The following ARMCX4 variants were observed in gnomAD, a reference collection of about 807,000 sequenced individuals.
ARMCX4 encodes the protein armadillo repeat containing X-linked 4.
ARMCX4 carries 3 observed loss-of-function variants against 34.7 expected under a neutral mutation model. That is an observed-to-expected ratio of 0.09 (90% CI 0.04 to 0.22). ARMCX4 has a LOEUF of 0.22. Among genes scored for constraint, ARMCX4 ranks in the 10% least tolerant of loss-of-function variants. The probability of loss-of-function intolerance (pLI) is 1.00; values close to 1 mark genes in which losing one functional copy is unlikely to be tolerated. For synonymous variants in ARMCX4, 513 were observed against 632.8 expected (o/e 0.81, Z 2.84); for missense variants, 1,448 against 1,720.8 (o/e 0.84, Z 2.81).
intron 4 of ARMCX4, among the ~76,000 whole-genome samples, chrX:101,466,486 G>A (rs937078809): frequency 2.7e-5 from 3 of 111,861 alleles, no homozygotes; most frequent in African/African-American, 9.7e-5. Flanking sequence ...AACAACCCAA[G>A]TGTCCATCAT....
At chrX:101,454,797 C>T (rs1555999853) in intron 4 of ARMCX4, among the ~76,000 whole-genome samples, 1 of 111,288 alleles carries the variant, frequency 9.0e-6, no homozygotes, top group Non-Finnish European at 1.9e-5. Flanking sequence ...AGAGTTTATT[C>T]CTCACGTTTC....
intron 11 of ARMCX4, among the ~76,000 whole-genome samples, chrX:101,513,647 A>G (rs781899231): frequency 9.0e-6 from 1 of 111,703 alleles, no homozygotes; most frequent in South Asian, 3.8e-4. Context: ...CATTTCTACA[A>G]TTGGTTATGT....
At chrX:101,446,305 C>T (rs1555998022), downstream of ARMCX4, among the ~76,000 whole-genome samples, 4 of 111,077 alleles carry the variant, frequency 3.6e-5, no homozygotes, top group African/African-American at 1.3e-4. Flanking sequence ...TCATTTTGCT[C>T]ATTCAATTTT....
intron 8 of ARMCX4, among the ~76,000 whole-genome samples, chrX:101,508,377 T>A (rs1363236698): frequency 8.9e-6 from 1 of 111,886 alleles, no homozygotes; most frequent in Non-Finnish European, 1.9e-5. Flanking sequence ...TCAGCATTAG[T>A]TTCTGGTGTA....
chrX:101,451,278 T>C, downstream of ARMCX4, among the ~76,000 whole-genome samples: 1 of 111,696 alleles, frequency 9.0e-6, no homozygotes. Context: ...CTAGGGATGG[T>C]CTAAATGCTC....
chrX:101,447,958 G>A (rs1555998351), downstream of ARMCX4: 2 of 111,022 alleles, frequency 1.8e-5, no homozygotes, highest in African/African-American at 6.6e-5. Flanking sequence ...CTATTTTATT[G>A]TACCTCTTAA....
In ARMCX4 at chrX:101,490,352, G is replaced by A; in HGVS notation, c.1763G>A (p.Gly588Asp). 1.7e-6 allele frequency: 2 copies of A among 1,153,466 alleles called. No individual in the cohort carries two copies. Among genetic ancestry groups the A allele is most frequent in the Non-Finnish European group, 2.3e-6 (2 of 871,978 alleles). ...AGTKADQRVC[G>D]QPLVVANPQG... ...ACTAAGGCAGACCAGAGGGTCTGTG[G>A]TCAGCCCCTGGTTGTGGCCAATCCC... The change falls in exon 6 of 6, where the codon GGT (glycine) becomes GAT (aspartate). Residue 588 changes from glycine (G) to aspartate (D), a missense_variant. By Grantham distance (94) the Gly-to-Asp change is moderately conservative. Transcript: ENST00000423738.
At chrX:101,452,809 G>A (rs782553651), downstream of ARMCX4, among the ~76,000 whole-genome samples, 1 of 109,765 alleles carries the variant, frequency 9.1e-6, no homozygotes, top group East Asian at 2.8e-4. Context: ...ACCCACCTCG[G>A]CCTCCCAAAG....
At position 101,494,256 on chromosome X, in the gene ARMCX4, A is replaced by C; in HGVS notation, c.5667A>C (p.Arg1889Ser). The C allele has an allele frequency of 8.7e-7, 1 of 1,154,856 alleles. No homozygotes were observed. The highest frequency in any genetic ancestry group is 1.9e-5 in the South Asian group (1 of 52,712). ...ATGTGGGAGAGGATGAGCTAAGTAG[A>C]GAGTCCAGCCCTGATATTGAGGAGA... ...ARNVGEDELS[R>S]ESSPDIEEIS... is the part of the protein sequence containing the mutation. The change falls in exon 6 of 6, where the codon AGA becomes AGC. Residue 1889 changes from arginine to serine, a missense_variant. Arg to Ser is a moderately radical substitution (Grantham distance 110, BLOSUM62 -1). Coordinates refer to ENST00000423738, the MANE Select transcript of ARMCX4 (RefSeq NM_001256155.3).
At chrX:101,515,399 C>CTTTCTTTCTTTCTTTCTTTTTCTT (rs1556017504) in intron 11 of ARMCX4, among the ~76,000 whole-genome samples, 1 of 1,366 alleles carries the variant, frequency 7.3e-4, no homozygotes, top group Non-Finnish European at 1.0e-3. Flanking sequence ...CTTTCCCTCC[C>CTTTCTTTCTTTCTTTCTTTTTCTT]TCCCTCCCTC....
At chrX:101,525,325 C>G (rs111591348) in intron 11 of ARMCX4, among the ~76,000 whole-genome samples, 2 of 111,757 alleles carry the variant, frequency 1.8e-5, no homozygotes, top group African/African-American at 6.5e-5. Flanking sequence ...TCACCGTCAT[C>G]AAAGACCAAA....
intron 11 of ARMCX4, chrX:101,524,487 G>T (rs1288373484): frequency 1.8e-5 from 2 of 112,036 alleles, no homozygotes; most frequent in African/African-American, 6.5e-5. Context: ...CCCATGGAGG[G>T]TGAGCTGAAG....
At chrX:101,500,429 G>A (rs886510630), downstream of ARMCX4, among the ~76,000 whole-genome samples, 3 of 111,484 alleles carry the variant, frequency 2.7e-5, no homozygotes, top group African/African-American at 9.8e-5. Context: ...AAAACATATG[G>A]CATCTGTGGA....
At chrX:101,531,830 C>T (rs1935135443) in exon 12 of ARMCX4, 1 of 111,618 alleles carries the variant, frequency 9.0e-6, no homozygotes, top group Admixed American at 9.5e-5. Flanking sequence ...ACATGGGACA[C>T]CTTTCATCAT....
chrX:101,433,006 A>ATATACACACATATTTATACATACACGTG (rs1930293248), intron 2 of ARMCX4, among the ~76,000 whole-genome samples: 1 of 47,395 alleles, frequency 2.1e-5, no homozygotes, highest in Non-Finnish European at 5.5e-5. Flanking sequence ...ATATATGTGT[A>ATATACACACATATTTATACATACACGTG]TATATACACA....
chrX:101,484,684 G>A (rs1011077235), upstream of ARMCX4, among the ~76,000 whole-genome samples: 3 of 112,329 alleles, frequency 2.7e-5, no homozygotes, highest in East Asian at 5.5e-4. Flanking sequence ...TATTGAATAC[G>A]TGCTGGTTTT....
chrX:101,446,417 A>G (rs1931634170), downstream of ARMCX4, among the ~76,000 whole-genome samples: 1 of 111,781 alleles, frequency 8.9e-6, no homozygotes, highest in South Asian at 3.7e-4. Context: ...ACAAGGGGGC[A>G]TAAAATGGCA....
At chrX:101,533,717 A>G (rs1310889049), downstream of ARMCX4, among the ~76,000 whole-genome samples, 1 of 112,295 alleles carries the variant, frequency 8.9e-6, no homozygotes, top group East Asian at 2.8e-4. Context: ...AAATATATAC[A>G]TTTCTAACAA....
chrX:101,436,076 G>C (rs1313848727), intron 2 of ARMCX4, among the ~76,000 whole-genome samples: 4 of 110,846 alleles, frequency 3.6e-5, no homozygotes, highest in African/African-American at 6.5e-5. Context: ...GTCAGGTAGC[G>C]TGATGCCTCC....
Sources: gnomAD v4.1 joint callset for allele counts (sites outside exome capture counted in the v4.1 genomes callset) on GRCh38, gnomAD v4.1.1 for gene constraint, MANE v1.5 for transcripts, NCBI Gene and HGNC (gene_info 2026-07-23, HGNC 2026-07-21) for gene names.